PPP1R14C: variants seen among roughly 807,000 people sequenced by gnomAD.
PPP1R14C encodes protein phosphatase 1 regulatory subunit 14C.
A neutral mutation model predicts 20.4 loss-of-function variants in PPP1R14C; 16 were observed. The ratio of observed to expected loss-of-function variants is 0.78; its 90% CI spans 0.53 to 1.19. The LOEUF (loss-of-function observed/expected upper bound fraction) is 1.19. PPP1R14C is among the 50% of genes most tolerant of loss of function. The pLI, the probability that PPP1R14C is intolerant of heterozygous loss-of-function variation, is 0.00. For synonymous variants in PPP1R14C, 91 were observed against 91.0 expected (o/e 1.00, Z 0.00); for missense variants, 211 against 220.1 (o/e 0.96, Z 0.26).
At chr6:150,237,942 C>T (rs1474673696) in intron 3 of PPP1R14C, among the ~76,000 whole-genome samples, 3 of 152,128 alleles carry the variant, frequency 2.0e-5, no homozygotes, top group African/African-American at 4.8e-5. Flanking sequence ...GTAAGCCAAA[C>T]CTTTTTCTTC....
intron 1 of PPP1R14C, among the ~76,000 whole-genome samples, chr6:150,187,247 CTGTG>C (rs61153538): frequency 0.033 from 4,659 of 141,496 alleles, 124 homozygotes; most frequent in African/African-American, 0.075. Context: ...TTCTCTTTCT[CTGTG>C]TGTGTGTGTG....
intron 1 of PPP1R14C, among the ~76,000 whole-genome samples, chr6:150,209,885 G>A (rs1475660055): frequency 6.6e-6 from 1 of 150,448 alleles, no homozygotes; most frequent in Non-Finnish European, 1.5e-5. Flanking sequence ...ATGGTGTGGA[G>A]TGTATTCATC....
chr6:150,204,128 G>A (rs1025594524), intron 1 of PPP1R14C, among the ~76,000 whole-genome samples: 7 of 152,226 alleles, frequency 4.6e-5, no homozygotes, highest in Admixed American at 6.5e-5. Flanking sequence ...CGGCCGCCTG[G>A]CCACTGTGTC....
intron 1 of PPP1R14C, among the ~76,000 whole-genome samples, chr6:150,204,867 G>A (rs995072299): frequency 6.6e-6 from 1 of 152,114 alleles, no homozygotes; most frequent in African/African-American, 2.4e-5. Flanking sequence ...GGCTTCAGTC[G>A]CTTTCTTCCC....
rs569639979 is a variant in PPP1R14C at position 150,179,645 on chromosome 6, T to TAA, written c.307-35089_307-35088dup. Among the ~76,000 whole-genome samples, 1,114 of 144,696 alleles carry TAA rather than the reference T, an allele frequency of 7.7e-3. 12 individuals are homozygous for TAA. The highest frequency in any genetic ancestry group is 0.027 in the African/African-American group (1,068 of 39,776). The allele number at this position is 144,696 out of a possible 152,430, so 94.9% of individuals were successfully genotyped here. On this transcript the variant is annotated intron_variant, in intron 1 of 3. Coordinates refer to ENST00000361131, the MANE Select transcript of PPP1R14C (RefSeq NM_030949.3). ...TCTCTGCCATTGGTTCATGGGCTGT[T>TAA]AAAAAAAAAAAGGGGATAATATCCA...
chr6:150,173,205 T>G (rs1026744421), intron 1 of PPP1R14C, among the ~76,000 whole-genome samples: 4 of 152,116 alleles, frequency 2.6e-5, no homozygotes, highest in African/African-American at 7.2e-5. Flanking sequence ...ATCTCCCCAT[T>G]TTTTCCACGA....
chr6:150,221,227 T>C (rs1486648591), intron 3 of PPP1R14C, among the ~76,000 whole-genome samples: 1 of 152,204 alleles, frequency 6.6e-6, no homozygotes, highest in Non-Finnish European at 1.5e-5. Context: ...ATACATTACT[T>C]TATTTAATCC....
At chr6:150,151,536 C>T (rs888595387) in intron 1 of PPP1R14C, among the ~76,000 whole-genome samples, 2 of 152,176 alleles carry the variant, frequency 1.3e-5, no homozygotes, top group Non-Finnish European at 2.9e-5. Context: ...TTTCAAATTA[C>T]GGCAACCACT....
chr6:150,229,149 T>C (rs146353626), intron 3 of PPP1R14C, among the ~76,000 whole-genome samples: 1 of 152,328 alleles, frequency 6.6e-6, no homozygotes, highest in East Asian at 1.9e-4. Context: ...ATGACTTTAA[T>C]TTCTATGTCT....
At chr6:150,180,005 C>T (rs1361945075) in intron 1 of PPP1R14C, among the ~76,000 whole-genome samples, 1 of 152,126 alleles carries the variant, frequency 6.6e-6, no homozygotes, top group African/African-American at 2.4e-5. Flanking sequence ...AGTTTGAGAC[C>T]AGCCTGGCCA....
Position 150,232,861 on chromosome 6 carries a change from T to C in PPP1R14C, c.424-15885T>C, listed in dbSNP as rs1778310079. On this transcript the variant is annotated intron_variant, in intron 3 of 3. Transcript: ENST00000361131. ...AGTGTCTTAACTATTCTTGAATATT[T>C]GTATTTGACTAGAATTGCATTAAAT... Among the ~76,000 whole-genome samples the C allele has an allele frequency of 3.3e-5, 5 of 152,380 alleles. No individual in the cohort carries two copies. The East Asian group carries it at 9.6e-4, about 29-fold the overall frequency.
intron 3 of PPP1R14C, among the ~76,000 whole-genome samples, chr6:150,239,105 T>C (rs1778402389): frequency 6.6e-6 from 1 of 152,330 alleles, no homozygotes; most frequent in South Asian, 2.1e-4. Context: ...CAAAAGATCA[T>C]GTCTGTTGTG....
intron 3 of PPP1R14C, among the ~76,000 whole-genome samples, chr6:150,222,078 T>C (rs1778175183): frequency 6.6e-6 from 1 of 150,432 alleles, no homozygotes; most frequent in Admixed American, 6.6e-5. Flanking sequence ...GGATTACAGG[T>C]ATGAGCCGCC....
intron 1 of PPP1R14C, among the ~76,000 whole-genome samples, chr6:150,169,044 T>A (rs1228390475): frequency 6.6e-6 from 1 of 152,176 alleles, no homozygotes. Flanking sequence ...ACCCAGCTAA[T>A]TTTTTGTACT....
At chr6:150,226,288 T>C (rs1665065875) in intron 3 of PPP1R14C, among the ~76,000 whole-genome samples, 1 of 152,234 alleles carries the variant, frequency 6.6e-6, no homozygotes, top group Non-Finnish European at 1.5e-5. Flanking sequence ...GTAGTGAATA[T>C]TAAAATAGAT....
intron 2 of PPP1R14C, 43 bp from the exon 3 acceptor site, chr6:150,216,781 A>G: frequency 2.1e-6 from 3 of 1,401,698 alleles, no homozygotes; most frequent in Non-Finnish European, 2.0e-6. Context: ...ATAATGCTGA[A>G]TTTTAAAATA....
At chr6:150,214,664 T>C in intron 1 of PPP1R14C, 80 bp from the exon 2 acceptor site, 1 of 1,015,222 alleles carries the variant, frequency 9.9e-7, no homozygotes, top group Admixed American at 1.8e-5. Flanking sequence ...TAGTTGTTTG[T>C]TCAACTTAAC....
intron 1 of PPP1R14C, chr6:150,194,523 C>T: frequency 2.0e-6 from 2 of 977,184 alleles, no homozygotes; most frequent in Non-Finnish European, 2.4e-6. Flanking sequence ...ATAAATCATG[C>T]TTTTCCATTA....
chr6:150,179,007 C>T (rs9397721), intron 1 of PPP1R14C, among the ~76,000 whole-genome samples: 4,970 of 152,198 alleles, frequency 0.033, 160 homozygotes, highest in East Asian at 0.09. Context: ...AAGTGTTTTT[C>T]GAAGCCTGTT....
Sources: gnomAD v4.1 joint callset for allele counts (sites outside exome capture counted in the v4.1 genomes callset) on GRCh38, gnomAD v4.1.1 for gene constraint, MANE v1.5 for transcripts, NCBI Gene and HGNC (gene_info 2026-07-23, HGNC 2026-07-21) for gene names.